RBFOX1: variants seen among roughly 807,000 people sequenced by gnomAD.
RBFOX1 encodes the protein RNA binding fox-1 homolog 1, also known as RNA binding protein fox-1 homolog 1.
Under a neutral mutation model 57.7 loss-of-function variants are expected in RBFOX1, and 8 were observed. The ratio of observed to expected loss-of-function variants is 0.14; its 90% CI spans 0.08 to 0.25. RBFOX1 has a LOEUF of 0.25. Among genes scored for constraint, RBFOX1 ranks in the 10% least tolerant of loss-of-function variants. The probability of loss-of-function intolerance (pLI) is 1.00; values close to 1 mark genes in which losing one functional copy is unlikely to be tolerated. For missense variants in RBFOX1, 611 were observed against 548.5 expected (o/e 1.11, Z -1.14); for synonymous variants, 326 against 222.4 (o/e 1.47, Z -4.15).
intron 2 of RBFOX1, among the ~76,000 whole-genome samples, chr16:5,550,882 C>T (rs1473269038): frequency 6.6e-6 from 1 of 152,112 alleles, no homozygotes; most frequent in Non-Finnish European, 1.5e-5. Context: ...TCTCAGAATG[C>T]AGGACTGATC....
chr16:6,953,521 G>T lies in RBFOX1; in HGVS notation c.-15-98536G>T, dbSNP rs970899653. On this transcript the variant is annotated intron_variant, in intron 3 of 15. Coordinates refer to ENST00000550418, the MANE Select transcript of RBFOX1 (RefSeq NM_018723.4). ...CTGCTTCAGCCTCCCGAGTAGCTGG[G>T]ATTACGGGGGTGTGTCACCACACCT... 2.0e-5 allele frequency among the ~76,000 whole-genome samples: 3 copies of T among 152,076 alleles called. No individual in the cohort carries two copies. The South Asian group carries it at 6.2e-4, about 32-fold the overall frequency.
At chr16:6,688,154 AG>A (rs753242415) in intron 3 of RBFOX1, among the ~76,000 whole-genome samples, 1 of 151,792 alleles carries the variant, frequency 6.6e-6, no homozygotes, top group Non-Finnish European at 1.5e-5. Context: ...GCTTCTGGGG[AG>A]GTTTCAGAAG....
intron 3 of RBFOX1, among the ~76,000 whole-genome samples, chr16:6,887,636 G>A (rs1330116614): frequency 1.3e-5 from 2 of 150,602 alleles, no homozygotes; most frequent in South Asian, 2.1e-4. Flanking sequence ...TTTTAGAAGG[G>A]TTTGGTTGTT....
intron 1 of RBFOX1, among the ~76,000 whole-genome samples, chr16:6,246,567 T>A (rs955982935): frequency 3.3e-5 from 5 of 152,044 alleles, no homozygotes; most frequent in Non-Finnish European, 7.4e-5. Context: ...GGTAACACCA[T>A]GGGTTGGAAA....
chr16:7,225,008 A>G (rs987735135), intron 4 of RBFOX1, among the ~76,000 whole-genome samples: 21 of 152,224 alleles, frequency 1.4e-4, no homozygotes, highest in African/African-American at 4.6e-4. Flanking sequence ...ATGCTAAGAC[A>G]TTTTTGTGAC....
At chr16:5,312,607 G>A (rs747113903) in intron 1 of RBFOX1, among the ~76,000 whole-genome samples, 2 of 152,200 alleles carry the variant, frequency 1.3e-5, no homozygotes, top group Admixed American at 6.5e-5. Context: ...GAGCCACCAT[G>A]CTTGGTGACA....
At chr16:7,419,587 A>C (rs2098519422) in intron 4 of RBFOX1, among the ~76,000 whole-genome samples, 1 of 152,148 alleles carries the variant, frequency 6.6e-6, no homozygotes. Flanking sequence ...CCTCCTGCCT[A>C]ATTAGCTGTT....
intron 3 of RBFOX1, among the ~76,000 whole-genome samples, chr16:6,817,269 C>G (rs1024996154): frequency 2.6e-5 from 4 of 152,112 alleles, no homozygotes; most frequent in African/African-American, 7.2e-5. Context: ...ATACTTCTGA[C>G]CACCTTAATG....
At chr16:6,779,657 C>T (rs573756289) in intron 3 of RBFOX1, among the ~76,000 whole-genome samples, 4 of 140,212 alleles carry the variant, frequency 2.9e-5, no homozygotes, top group Admixed American at 2.4e-4. Flanking sequence ...TCCCTCTTCT[C>T]CATATCCTTA....
At chr16:7,431,625 A>T (rs1405665787) in intron 4 of RBFOX1, among the ~76,000 whole-genome samples, 4 of 152,232 alleles carry the variant, frequency 2.6e-5, no homozygotes, top group Admixed American at 6.5e-5. Flanking sequence ...ATTTAATGCA[A>T]CCGCCATCAC....
At chr16:7,157,458 T>G (rs1004884651) in intron 4 of RBFOX1, among the ~76,000 whole-genome samples, 1 of 152,128 alleles carries the variant, frequency 6.6e-6, no homozygotes, top group Non-Finnish European at 1.5e-5. Context: ...TGGCAGCAGA[T>G]AGGTGCAATT....
chr16:6,587,959 G>C (rs1294083907), intron 2 of RBFOX1, among the ~76,000 whole-genome samples: 1 of 152,162 alleles, frequency 6.6e-6, no homozygotes, highest in East Asian at 1.9e-4. Context: ...GCCTGGCACA[G>C]TGGCTCACGC....
intron 4 of RBFOX1, among the ~76,000 whole-genome samples, chr16:7,338,568 T>A (rs534261554): frequency 4.6e-5 from 7 of 152,174 alleles, no homozygotes; most frequent in African/African-American, 1.7e-4. Flanking sequence ...TAAAAAAAAT[T>A]CTTTTGTAGA....
Position 6,823,250 on chromosome 16 carries a change from CT to C in RBFOX1, c.-16+168612del, listed in dbSNP as rs1231519052. Among the ~76,000 whole-genome samples, 1,184 of 144,008 alleles carry C rather than the reference CT, an allele frequency of 8.2e-3. 21 individuals carry two copies. The highest frequency in any genetic ancestry group is 0.027 in the African/African-American group (1,061 of 39,626). 94.5% of individuals were successfully genotyped at this position (144,008 alleles called of 152,430 possible). ...GGCCCATCTGAAATTGTTTTGTTTT[CT>C]TTTTTTTTTTTCTTTTTTTTCCCCA... is the stretch of plus-strand genomic sequence containing the variant. On this transcript the variant is annotated intron_variant, in intron 3 of 15. Transcript: ENST00000550418.
chr16:6,017,915 C>A (rs2095006608), upstream of RBFOX1, among the ~76,000 whole-genome samples: 1 of 152,160 alleles, frequency 6.6e-6, no homozygotes, highest in Non-Finnish European at 1.5e-5. Flanking sequence ...CAAACACAGT[C>A]ACATCACAGG....
intron 4 of RBFOX1, chr16:7,332,858 C>G: frequency 1.4e-6 from 2 of 1,469,622 alleles, no homozygotes; most frequent in Admixed American, 2.3e-5. Flanking sequence ...TCTTTCCTCT[C>G]CCGGCGTTGA....
At chr16:6,738,250 A>T (rs919628995) in intron 3 of RBFOX1, among the ~76,000 whole-genome samples, 2 of 152,076 alleles carry the variant, frequency 1.3e-5, no homozygotes, top group Admixed American at 6.6e-5. Context: ...GGAGCAAAGG[A>T]TGTGAGTCCT....
chr16:6,712,127 T>C (rs180861491), intron 3 of RBFOX1, among the ~76,000 whole-genome samples: 2 of 152,344 alleles, frequency 1.3e-5, no homozygotes, highest in East Asian at 1.9e-4. Flanking sequence ...CAAATATTTA[T>C]TGAATGAATG....
At chr16:7,295,737 G>T (rs887303335) in intron 4 of RBFOX1, among the ~76,000 whole-genome samples, 10 of 151,838 alleles carry the variant, frequency 6.6e-5, no homozygotes, top group African/African-American at 2.2e-4. Context: ...ATATGAACCA[G>T]AAAGAGTTCC....
Sources: gnomAD v4.1 joint callset for allele counts (sites outside exome capture counted in the v4.1 genomes callset) on GRCh38, gnomAD v4.1.1 for gene constraint, MANE v1.5 for transcripts, NCBI Gene and HGNC (gene_info 2026-07-23, HGNC 2026-07-21) for gene names.